The following TBC1D5 variants were observed in gnomAD, a reference collection of about 807,000 sequenced individuals.
TBC1D5 encodes TBC1 domain family, member 5.
Under a neutral mutation model 100.3 loss-of-function variants are expected in TBC1D5, and 75 were observed. That is an observed-to-expected ratio of 0.75 (90% CI 0.62 to 0.91). The LOEUF is 0.91. Among genes scored for constraint, TBC1D5 ranks in the 40% least tolerant of loss-of-function variants. TBC1D5 has a pLI of 0.00. For missense variants in TBC1D5, 910 were observed against 942.4 expected (o/e 0.97, Z 0.45); for synonymous variants, 323 against 325.6 (o/e 0.99, Z 0.09).
chr3:17,641,891 C>T (rs962020307), intron 1 of TBC1D5, among the ~76,000 whole-genome samples: 4 of 152,012 alleles, frequency 2.6e-5, no homozygotes, highest in Admixed American at 2.0e-4. Flanking sequence ...TAAATGCAGA[C>T]TAATGACTTT....
chr3:17,640,389 C>A (rs2064378686), intron 1 of TBC1D5, among the ~76,000 whole-genome samples: 1 of 151,818 alleles, frequency 6.6e-6, no homozygotes, highest in Non-Finnish European at 1.5e-5. Flanking sequence ...CTAATAAAAA[C>A]TGTTTCAAAG....
intron 17 of TBC1D5, among the ~76,000 whole-genome samples, chr3:17,230,363 T>C (rs528760458): frequency 7.2e-5 from 11 of 152,276 alleles, no homozygotes; most frequent in African/African-American, 2.4e-4. Context: ...GACTCCCACA[T>C]TATGCCTCAA....
At chr3:17,568,742 T>G (rs1329373023) in intron 2 of TBC1D5, among the ~76,000 whole-genome samples, 2 of 151,688 alleles carry the variant, frequency 1.3e-5, no homozygotes, top group Non-Finnish European at 1.5e-5. Context: ...AATATTAACA[T>G]ATAACATTAT....
intron 4 of TBC1D5, among the ~76,000 whole-genome samples, chr3:17,425,125 CAAT>C (rs1274756051): frequency 1.3e-5 from 2 of 152,052 alleles, no homozygotes; most frequent in Non-Finnish European, 2.9e-5. Flanking sequence ...GTGATGATGA[CAAT>C]GATGATGATG....
chr3:17,342,821 T>A (rs2089221131), intron 13 of TBC1D5, among the ~76,000 whole-genome samples: 1 of 152,216 alleles, frequency 6.6e-6, no homozygotes, highest in African/African-American at 2.4e-5. Flanking sequence ...TTTTTCTATG[T>A]CAACAAATAT....
intron 13 of TBC1D5, 84 bp from the exon 14 acceptor site, chr3:17,308,218 T>C (rs534446962): frequency 7.4e-7 from 1 of 1,353,312 alleles, no homozygotes; most frequent in East Asian, 2.7e-5. Context: ...TGTGAAAAAC[T>C]ATTAACTGAA....
Position 17,739,342 on chromosome 3 carries a change from C to A in TBC1D5, c.-101+1G>T, listed in dbSNP as rs1441821044. The A allele has an allele frequency of 1.3e-5, 2 of 152,206 alleles. No individual in the cohort carries two copies. The highest frequency in any genetic ancestry group is 2.9e-5 in the Non-Finnish European group (2 of 68,026). 9.4% of individuals were successfully genotyped at this position (152,206 alleles called of 1,614,324 possible). ...AATGAAACATAAATTATTCAACTTA[C>A]TTTTATTCCGGGGTTGTCCTTCTTA... On this transcript the variant is annotated splice_donor_variant, in intron 1 of 21. Transcript: ENST00000253692. LOFTEE classifies it low-confidence loss of function (5UTR_SPLICE).
chr3:17,626,842 CT>C (rs2063104695), intron 1 of TBC1D5, among the ~76,000 whole-genome samples: 1 of 152,150 alleles, frequency 6.6e-6, no homozygotes, highest in African/African-American at 2.4e-5. Context: ...ATTTTTGTTA[CT>C]GGCCAGTGGA....
chr3:17,225,896 A>G (rs2074835401), intron 17 of TBC1D5, among the ~76,000 whole-genome samples: 1 of 152,114 alleles, frequency 6.6e-6, no homozygotes, highest in African/African-American at 2.4e-5. Flanking sequence ...CGTATTTGGT[A>G]TTATAGGTAA....
At chr3:17,673,311 CTTTTTT>C (rs374496313) in intron 1 of TBC1D5, among the ~76,000 whole-genome samples, 1 of 125,982 alleles carries the variant, frequency 7.9e-6, no homozygotes, top group African/African-American at 2.9e-5. Flanking sequence ...CTTTTCTTTT[CTTTTTT>C]TTTTTTTTTT....
chr3:17,486,610 T>G (rs1283386294), intron 3 of TBC1D5, among the ~76,000 whole-genome samples: 1 of 152,116 alleles, frequency 6.6e-6, no homozygotes, highest in Non-Finnish European at 1.5e-5. Flanking sequence ...GGCAAAAACT[T>G]TAAGAATCAA....
chr3:17,389,210 G>C (rs1307054375), intron 8 of TBC1D5, among the ~76,000 whole-genome samples: 3 of 151,910 alleles, frequency 2.0e-5, no homozygotes, highest in Non-Finnish European at 4.4e-5. Context: ...CGATTCTCCT[G>C]TCCCCTGTAT....
At chr3:17,474,399 C>A (rs560600788) in intron 3 of TBC1D5, among the ~76,000 whole-genome samples, 2 of 152,020 alleles carry the variant, frequency 1.3e-5, no homozygotes, top group Admixed American at 6.5e-5. Context: ...AAAATCATAC[C>A]CTGTTTTCTA....
intron 2 of TBC1D5, among the ~76,000 whole-genome samples, chr3:17,555,357 C>G (rs1456510089): frequency 6.6e-6 from 1 of 152,108 alleles, no homozygotes; most frequent in Non-Finnish European, 1.5e-5. Context: ...GGGATACATA[C>G]GACATGAATC....
intron 17 of TBC1D5, among the ~76,000 whole-genome samples, chr3:17,222,056 T>C (rs2074347524): frequency 6.6e-6 from 1 of 152,194 alleles, no homozygotes; most frequent in African/African-American, 2.4e-5. Context: ...TACTTCACTG[T>C]TTTTAAAGAA....
intron 18 of TBC1D5, among the ~76,000 whole-genome samples, chr3:17,201,922 C>T (rs1343634315): frequency 6.6e-6 from 1 of 152,084 alleles, no homozygotes; most frequent in Non-Finnish European, 1.5e-5. Flanking sequence ...AAAATTGGTA[C>T]TAGGAGTGTG....
At chr3:17,329,707 C>G (rs917132746) in intron 13 of TBC1D5, among the ~76,000 whole-genome samples, 1 of 152,192 alleles carries the variant, frequency 6.6e-6, no homozygotes, top group Non-Finnish European at 1.5e-5. Context: ...GCTTTTCCCA[C>G]ATTAACTCCC....
intron 1 of TBC1D5, among the ~76,000 whole-genome samples, chr3:17,657,329 C>CTTTT (rs35431642): frequency 8.4e-5 from 9 of 107,028 alleles, no homozygotes; most frequent in Admixed American, 1.1e-4. Flanking sequence ...CAAATTCTTT[C>CTTTT]TTTTTTTTTT....
chr3:17,574,197 C>G (rs1242677389), intron 2 of TBC1D5, among the ~76,000 whole-genome samples: 1 of 152,014 alleles, frequency 6.6e-6, no homozygotes, highest in Non-Finnish European at 1.5e-5. Context: ...AGCTAACACT[C>G]ACCTACCATG....
Sources: allele counts gnomAD v4.1 joint callset (sites outside exome capture counted in the v4.1 genomes callset), GRCh38; gene constraint gnomAD v4.1.1; transcripts MANE v1.5; gene names NCBI Gene and HGNC (gene_info 2026-07-23, HGNC 2026-07-21).